Variants in SMC4 observed in about 807,000 individuals in gnomAD.
The protein encoded by SMC4 is structural maintenance of chromosomes 4, also known as structural maintenance of chromosomes protein 4.
Under a neutral mutation model 145.6 loss-of-function variants are expected in SMC4, and 87 were observed. The ratio of observed to expected loss-of-function variants is 0.60; its 90% confidence interval spans 0.50 to 0.71. The LOEUF (loss-of-function observed/expected upper bound fraction) is 0.71. Among genes scored for constraint, SMC4 ranks in the 30% least tolerant of loss-of-function variants. The probability of loss-of-function intolerance (pLI) is 0.00; values close to 1 mark genes in which losing one functional copy is unlikely to be tolerated. For missense variants in SMC4, 1,447 were observed against 1,537.1 expected (o/e 0.94, Z 0.98); for synonymous variants, 558 against 500.7 (o/e 1.11, Z -1.53).
intron 21 of SMC4, 137 bp downstream of exon 21, chr3:160,431,962 G>T (rs1718452721): frequency 1.1e-6 from 1 of 876,112 alleles, no homozygotes; most frequent in Non-Finnish European, 1.7e-6. Context: ...AGCACTTTGG[G>T]AGGCCAAAGG....
At chr3:160,410,192 C>T (rs548695039) in intron 5 of SMC4, among the ~76,000 whole-genome samples, 7 of 152,158 alleles carry the variant, frequency 4.6e-5, no homozygotes, top group African/African-American at 1.2e-4. Flanking sequence ...AAGACAGTTT[C>T]GGTTGTTATA....
At chr3:160,415,808 C>T (rs1716518012) in intron 9 of SMC4, among the ~76,000 whole-genome samples, 1 of 152,156 alleles carries the variant, frequency 6.6e-6, no homozygotes, top group Admixed American at 6.5e-5. Flanking sequence ...AAAATATTAG[C>T]CCTACATGAT....
chr3:160,404,572 G>T, intron 5 of SMC4, 68 bp downstream of exon 5: 1 of 1,482,406 alleles, frequency 6.7e-7, no homozygotes, highest in Non-Finnish European at 9.4e-7. Context: ...AGCTAGGTTG[G>T]ATGAATCCTA....
chr3:160,401,147 G>C (rs756759798), intron 2 of SMC4, among the ~76,000 whole-genome samples, 182 bp downstream of exon 2: 1 of 152,034 alleles, frequency 6.6e-6, no homozygotes, highest in Non-Finnish European at 1.5e-5. Context: ...GTGCAATTTT[G>C]GTGTAACGGC....
chr3:160,429,757 T>C (rs1718184535), intron 18 of SMC4, among the ~76,000 whole-genome samples: 1 of 142,704 alleles, frequency 7.0e-6, no homozygotes, highest in African/African-American at 2.6e-5. Flanking sequence ...CGCTCTGCCA[T>C]CCAGGCTGGA....
intron 8 of SMC4, chr3:160,413,912 G>C (rs1716308820): frequency 3.3e-6 from 1 of 306,526 alleles, no homozygotes; most frequent in Non-Finnish European, 6.1e-6. Context: ...ATCTGATAGA[G>C]GGATAGGATT....
rs1390112327 is a variant in SMC4 at position 160,424,923 on chromosome 3, A to C, written c.2382A>C (p.Gln794His). The change falls in exon 16 of 24, where the codon CAA becomes CAC. Residue 794 changes from glutamine (Q) to histidine (H), a missense_variant. Coordinates refer to ENST00000357388, the MANE Select transcript of SMC4 (RefSeq NM_001002800.3). ...ACTCTAAAAAAGCAATGCAAATCCA[A>C]GAACAGAAAGTACAACTTGAAGAAA... ...QNDSKKAMQI[Q>H]EQKVQLEERV... The C allele has an allele frequency of 6.2e-7, 1 of 1,614,134 alleles. No individual in the cohort carries two copies. Among genetic ancestry groups the C allele is most frequent in the Admixed American group, 1.7e-5 (1 of 60,024 alleles).
Position 160,419,443 on chromosome 3 carries a change from C to T in SMC4, c.1757C>T (p.Ala586Val), listed in dbSNP as rs571065200. The T allele has an allele frequency of 6.2e-7, 1 of 1,612,252 alleles. No homozygotes were observed. Among genetic ancestry groups the T allele is most frequent in the South Asian group, 1.1e-5 (1 of 90,470 alleles). The change falls in exon 12 of 24, where the codon GCA becomes GTA. Residue 586 changes from alanine (A) to valine (V), a missense_variant. Ala to Val is a moderately conservative substitution (Grantham distance 64). Transcript: ENST00000357388. ...VHDLFQKVEE[A>V]KSSLAMNRSR... ...GATCTCTTTCAAAAAGTTGAAGAAG[C>T]AAAGAGCTCATTAGCAATGAATCGA...
Position 160,413,588 on chromosome 3 carries a change from A to G in SMC4, c.1096A>G (p.Asn366Asp). ...NILSNEMKAK[N>D]KDVKDTEKKL... ...ACTATCAAATGAAATGAAAGCTAAG[A>G]ATAAAGATGTAAAAGATACAGAAAA... is the stretch of plus-strand genomic sequence containing the variant. The change falls in exon 8 of 24, where the codon AAT becomes GAT. Residue 366 changes from asparagine (N) to aspartate (D), a missense_variant. By Grantham distance (23) the Asn-to-Asp change is conservative (BLOSUM62 1). Transcript: ENST00000357388. 2 of 1,445,660 alleles carry G rather than the reference A, an allele frequency of 1.4e-6. No individual in the cohort carries two copies. The highest frequency in any genetic ancestry group is 1.2e-5 in the South Asian group (1 of 80,890). The allele number at this position is 1,445,660 out of a possible 1,614,324, so 89.6% of individuals were successfully genotyped here.
intron 5 of SMC4, among the ~76,000 whole-genome samples, chr3:160,408,293 A>C (rs1042133922): frequency 6.6e-6 from 1 of 152,370 alleles, no homozygotes; most frequent in South Asian, 2.1e-4. Flanking sequence ...GATAAAGGGC[A>C]TCATACCTAT....
chr3:160,411,057 A>G (rs1314806803), intron 5 of SMC4, among the ~76,000 whole-genome samples: 1 of 152,196 alleles, frequency 6.6e-6, no homozygotes, highest in Non-Finnish European at 1.5e-5. Flanking sequence ...TCTCTCCACC[A>G]TCAAACTAAA....
At chr3:160,403,666 G>A (rs1054858513) in intron 4 of SMC4, among the ~76,000 whole-genome samples, 3 of 152,010 alleles carry the variant, frequency 2.0e-5, no homozygotes, top group Non-Finnish European at 4.4e-5. Flanking sequence ...AGATTGCCAG[G>A]AAATCAGATT....
rs1157496280 is a variant in SMC4, at chr3:160,402,780, ACT to A, written c.427_428del (p.Val144IlefsTer4). The A allele has an allele frequency of 3.1e-6, 5 of 1,611,468 alleles. No individual in the cohort carries two copies. The highest frequency in any genetic ancestry group is 1.3e-5 in the African/African-American group (1 of 74,750). Reference sequence around the variant, plus strand: ...GAGCACAAAAAATAAGATCTAAAAAACTCTCAGTATTAATACATAATTCTGAT... The same window carrying A: ...GAGCACAAAAAATAAGATCTAAAAAACTCAGTATTAATACATAATTCTGAT... ...YRAQKIRSKK[L>X]SVLIHNSDEH... On this transcript the variant is annotated frameshift_variant, in exon 4 of 24. Transcript: ENST00000357388. LOFTEE classifies it high-confidence loss of function.
chr3:160,428,454 AG>A (rs1560012769), intron 17 of SMC4, among the ~76,000 whole-genome samples: 1 of 152,236 alleles, frequency 6.6e-6, no homozygotes, highest in South Asian at 2.1e-4. Flanking sequence ...TGAACTCAGT[AG>A]TCAAGGAAGT....
intron 5 of SMC4, among the ~76,000 whole-genome samples, chr3:160,410,383 C>T (rs768279048): frequency 6.6e-6 from 1 of 152,220 alleles, no homozygotes; most frequent in African/African-American, 2.4e-5. Context: ...TTGGCTTCCT[C>T]AGTGACTTAA....
chr3:160,426,129 A>G lies in SMC4; in HGVS notation c.2534A>G (p.Asn845Ser). ...LNVQVKELEA[N>S]VLATAPDKKK... Reference sequence around the variant, plus strand: ...GTCCAAGTTAAGGAACTTGAAGCTAATGTACTTGCTACAGCCCCTGACAAA... The same window carrying G: ...GTCCAAGTTAAGGAACTTGAAGCTAGTGTACTTGCTACAGCCCCTGACAAA... Residue 845 changes from asparagine (N) to serine (S), a missense_variant, in exon 17 of 24, where the codon AAT (asparagine) becomes AGT (serine). Physicochemically the swap from Asn to Ser is conservative, Grantham distance 46. Coordinates refer to ENST00000357388, the MANE Select transcript of SMC4 (RefSeq NM_001002800.3). 6.2e-7 allele frequency: 1 copy of G among 1,608,120 alleles called. No individual in the cohort carries two copies. Among genetic ancestry groups the G allele is most frequent in the South Asian group, 1.1e-5 (1 of 90,116 alleles).
chr3:160,413,105 T>C (rs1390383123), intron 7 of SMC4, among the ~76,000 whole-genome samples: 2 of 151,982 alleles, frequency 1.3e-5, no homozygotes, highest in African/African-American at 4.8e-5. Context: ...TGGCTAATTA[T>C]TATTATTATT....
chr3:160,428,619 G>A (rs767352972), intron 17 of SMC4, 134 bp from the exon 18 acceptor site: 3 of 693,852 alleles, frequency 4.3e-6, no homozygotes, highest in Non-Finnish European at 7.0e-6. Flanking sequence ...TTTTTTTAAG[G>A]TGCTTTTTCC....
At chr3:160,429,875 C>A (rs981285574) in intron 18 of SMC4, among the ~76,000 whole-genome samples, 1 of 152,016 alleles carries the variant, frequency 6.6e-6, no homozygotes, top group Admixed American at 6.6e-5. Flanking sequence ...CGCTACCAGG[C>A]CCTGCTAATT....
Sources: gnomAD v4.1 joint callset for allele counts (sites outside exome capture counted in the v4.1 genomes callset) on GRCh38, gnomAD v4.1.1 for gene constraint, MANE v1.5 for transcripts, NCBI Gene and HGNC (gene_info 2026-07-23, HGNC 2026-07-21) for gene names.